The following TSPAN5 variants were observed in gnomAD, a reference collection of about 807,000 sequenced individuals.
TSPAN5 encodes the protein tetraspanin-5.
TSPAN5 carries 10 observed loss-of-function variants against 37.1 expected under a neutral mutation model. The observed-to-expected ratio is 0.27, with a 90% confidence interval of 0.17 to 0.46. The LOEUF (loss-of-function observed/expected upper bound fraction) is 0.46. Among genes scored for constraint, TSPAN5 ranks in the 20% least tolerant of loss-of-function variants. The pLI, the probability that TSPAN5 is intolerant of heterozygous loss-of-function variation, is 1.00. For synonymous variants in TSPAN5, 110 were observed against 118.9 expected, an observed-to-expected ratio of 0.93 and a Z score of 0.48; for missense variants, 195 against 326.6, an observed-to-expected ratio of 0.60 and a Z score of 3.11.
chr4:98,555,446 C>A (rs1366088625), intron 1 of TSPAN5, among the ~76,000 whole-genome samples: 1 of 152,110 alleles, frequency 6.6e-6, no homozygotes, highest in Non-Finnish European at 1.5e-5. Flanking sequence ...GCCACCTTTG[C>A]GAATTTATTC....
chr4:98,639,419 G>A (rs1210750950), intron 1 of TSPAN5, among the ~76,000 whole-genome samples: 3 of 151,972 alleles, frequency 2.0e-5, no homozygotes, highest in African/African-American at 7.2e-5. Context: ...CTGGGCTCAA[G>A]TAATCCTCCT....
intron 1 of TSPAN5, among the ~76,000 whole-genome samples, chr4:98,644,593 G>A (rs528885475): frequency 6.6e-6 from 1 of 151,896 alleles, no homozygotes; most frequent in Non-Finnish European, 1.5e-5. Context: ...ATGCTGGTGC[G>A]CTGCACCCAC....
chr4:98,641,783 G>A (rs1287526952), intron 1 of TSPAN5, among the ~76,000 whole-genome samples: 1 of 152,124 alleles, frequency 6.6e-6, no homozygotes, highest in Non-Finnish European at 1.5e-5. Flanking sequence ...GACTCCCACT[G>A]TCCCCTCTGC....
Position 98,472,451 on chromosome 4 carries a change from TC to T in TSPAN5, c.*70del. On this transcript the variant is annotated 3_prime_UTR_variant, in exon 8 of 8. Coordinates refer to ENST00000305798, the MANE Select transcript of TSPAN5 (RefSeq NM_005723.4). ...TGATTAGGTCCATGCAGCTCGAAGA[TC>T]AGTTCGGCACGCGGGAGGGTCCCGA... 3 of 1,399,622 alleles carry T rather than the reference TC, an allele frequency of 2.1e-6. No individual in the cohort carries two copies. Among genetic ancestry groups the T allele is most frequent in the Non-Finnish European group, 3.0e-6 (3 of 993,298 alleles). 86.7% of individuals were successfully genotyped at this position (1,399,622 alleles called of 1,614,324 possible).
intron 1 of TSPAN5, among the ~76,000 whole-genome samples, chr4:98,653,636 T>C (rs185638077): frequency 6.6e-6 from 1 of 152,284 alleles, no homozygotes; most frequent in Admixed American, 6.5e-5. Context: ...AGAAGTTCTA[T>C]AGCCCTGTAT....
chr4:98,500,668 T>C (rs1753324976), intron 2 of TSPAN5, among the ~76,000 whole-genome samples: 2 of 152,232 alleles, frequency 1.3e-5, no homozygotes, highest in South Asian at 4.1e-4. Flanking sequence ...GAAGTGCAAA[T>C]GCAACTCCTT....
intron 1 of TSPAN5, among the ~76,000 whole-genome samples, chr4:98,641,026 A>C (rs2110277468): frequency 6.6e-6 from 1 of 152,336 alleles, no homozygotes; most frequent in Non-Finnish European, 1.5e-5. Flanking sequence ...GGACATATCA[A>C]GGCCCATGTT....
intron 1 of TSPAN5, among the ~76,000 whole-genome samples, chr4:98,521,749 A>G (rs936511323): frequency 1.3e-5 from 2 of 152,226 alleles, no homozygotes; most frequent in African/African-American, 4.8e-5. Context: ...CTGCTGAGAT[A>G]TTAATAGCTA....
chr4:98,547,212 G>A (rs1417884116), intron 1 of TSPAN5, among the ~76,000 whole-genome samples: 1 of 152,130 alleles, frequency 6.6e-6, no homozygotes, highest in African/African-American at 2.4e-5. Flanking sequence ...GAGGCTCCTC[G>A]GCTCCTCTCC....
intron 1 of TSPAN5, among the ~76,000 whole-genome samples, chr4:98,524,356 AT>A (rs1753916229): frequency 6.6e-6 from 1 of 152,322 alleles, no homozygotes; most frequent in African/African-American, 2.4e-5. Flanking sequence ...TGGTAGCATA[AT>A]GCTTATGAAA....
At chr4:98,510,278 G>A (rs1753575363) in intron 1 of TSPAN5, among the ~76,000 whole-genome samples, 1 of 152,182 alleles carries the variant, frequency 6.6e-6, no homozygotes, top group Admixed American at 6.5e-5. Context: ...CATGTTCTTA[G>A]CAGTCCTGAT....
intron 1 of TSPAN5, among the ~76,000 whole-genome samples, chr4:98,518,937 A>G (rs947187831): frequency 6.6e-6 from 1 of 152,256 alleles, no homozygotes; most frequent in African/African-American, 2.4e-5. Context: ...CCAGCAAGCC[A>G]TGGGAAGCCA....
At chr4:98,542,414 G>A (rs1227314580) in intron 1 of TSPAN5, among the ~76,000 whole-genome samples, 2 of 152,156 alleles carry the variant, frequency 1.3e-5, no homozygotes, top group Admixed American at 6.5e-5. Flanking sequence ...TAAATGCCTT[G>A]TAAAGACTCC....
chr4:98,583,853 T>C (rs1025757417), intron 1 of TSPAN5, among the ~76,000 whole-genome samples: 1 of 152,188 alleles, frequency 6.6e-6, no homozygotes, highest in Non-Finnish European at 1.5e-5. Context: ...ATTGCTATTA[T>C]TCATTGCTTC....
chr4:98,643,311 C>A (rs1022710013), intron 1 of TSPAN5, among the ~76,000 whole-genome samples: 1 of 151,986 alleles, frequency 6.6e-6, no homozygotes, highest in Non-Finnish European at 1.5e-5. Context: ...GGCTACACAC[C>A]GTCTATGTTT....
At chr4:98,587,898 A>G (rs1054034606) in intron 1 of TSPAN5, among the ~76,000 whole-genome samples, 1 of 110,196 alleles carries the variant, frequency 9.1e-6, no homozygotes, top group African/African-American at 4.5e-5. Context: ...AAAAACAGCA[A>G]CAACAACAAC....
At chr4:98,643,272 G>T (rs575633042) in intron 1 of TSPAN5, among the ~76,000 whole-genome samples, 43 of 152,240 alleles carry the variant, frequency 2.8e-4, no homozygotes, top group Non-Finnish European at 4.9e-4. Flanking sequence ...GGAGCAACAG[G>T]TTATGCCATA....
At chr4:98,581,116 T>A (rs535239786) in intron 1 of TSPAN5, among the ~76,000 whole-genome samples, 53 of 152,344 alleles carry the variant, frequency 3.5e-4, no homozygotes, top group African/African-American at 1.3e-3. Flanking sequence ...ATATAAAAAC[T>A]AGTACTCATT....
rs889783985 is a variant in TSPAN5 at position 98,471,304 on chromosome 4, A to G, written c.*1218T>C. 1 of 152,182 alleles carries G rather than the reference A, an allele frequency of 6.6e-6. No individual in the cohort carries two copies. The highest frequency in any genetic ancestry group is 2.4e-5 in the African/African-American group (1 of 41,432). 9.4% of individuals were successfully genotyped at this position (152,182 alleles called of 1,614,324 possible). A position where few individuals can be genotyped will look rare whatever the true frequency, so the allele number is the denominator to read the frequency against. ...TCAATGTTGTTTCCAAATTGGGTTT[A>G]ATTCCATTCAAAGAGAAAGAAGGGG... On this transcript the variant is annotated 3_prime_UTR_variant, in exon 8 of 8. Coordinates refer to ENST00000305798, the MANE Select transcript of TSPAN5 (RefSeq NM_005723.4).
Sources: gnomAD v4.1 joint callset for allele counts (sites outside exome capture counted in the v4.1 genomes callset) on GRCh38, gnomAD v4.1.1 for gene constraint, MANE v1.5 for transcripts, NCBI Gene and HGNC (gene_info 2026-07-23, HGNC 2026-07-21) for gene names.